Variants in ATR observed in about 807,000 individuals in gnomAD.
ATR encodes the protein ATR checkpoint kinase.
A neutral mutation model predicts 305.3 loss-of-function variants in ATR; 142 were observed. That is an observed-to-expected ratio of 0.47 (90% CI 0.41 to 0.53). The LOEUF is 0.53. ATR is among the 20% of genes least tolerant of loss of function. The pLI, the probability that ATR is intolerant of heterozygous loss-of-function variation, is 0.00. For missense variants in ATR, 2,135 were observed against 3,133.1 expected (o/e 0.68, Z 7.60); for synonymous variants, 1,050 against 1,068.1 (o/e 0.98, Z 0.33).
At chr3:142,484,414 G>C (rs932997522) in intron 36 of ATR, among the ~76,000 whole-genome samples, 1 of 152,188 alleles carries the variant, frequency 6.6e-6, no homozygotes, top group African/African-American at 2.4e-5. Context: ...GAGGCTGACA[G>C]GAGGGTGAAG....
intron 44 of ATR, among the ~76,000 whole-genome samples, chr3:142,458,367 G>T (rs1167330059): frequency 2.0e-5 from 3 of 152,186 alleles, no homozygotes; most frequent in African/African-American, 7.2e-5. Flanking sequence ...TTGGATCTAT[G>T]ATCTTTCTTG....
At position 142,515,488 on chromosome 3, in the gene ATR, A is replaced by G; in HGVS notation, c.4410T>C (p.Asp1470=). 6.2e-7 allele frequency: 1 copy of G among 1,611,652 alleles called. No homozygotes were observed. The highest frequency in any genetic ancestry group is 8.5e-7 in the Non-Finnish European group (1 of 1,177,876). Residue 1470 remains aspartate (D), a synonymous_variant, in exon 25 of 47, where the codon GAT becomes GAC. Coordinates refer to ENST00000350721, the MANE Select transcript of ATR (RefSeq NM_001184.4). ...TRYKSSQKST[D]WSGVKKPIYL... is the part of the protein sequence containing the mutation. ...AAATTGGCTTCTTTACTCCAGACCA[A>G]TCGGTTGACTTCTGAGAACTCTTGT...
chr3:142,457,627 A>G lies in ATR; in HGVS notation c.7632T>C (p.Arg2544=). 5 of 1,614,078 alleles carry G rather than the reference A, an allele frequency of 3.1e-6. No individual in the cohort carries two copies. The highest frequency in any genetic ancestry group is 4.2e-6 in the Non-Finnish European group (5 of 1,179,970). ...ACCTCATTAAAGGCTCTCGCTGATC[A>G]CGCATCAGCCTCATTGTAACTTCAC... ...RACEVTMRLM[R]DQREPLMSVL... The change falls in exon 45 of 47, where the codon CGT becomes CGC. Residue 2544 remains arginine (R), a synonymous_variant. Transcript: ENST00000350721.
intron 36 of ATR, among the ~76,000 whole-genome samples, chr3:142,480,697 G>GAGGC (rs2030373709): frequency 6.6e-6 from 1 of 152,228 alleles, no homozygotes; most frequent in South Asian, 2.1e-4. Context: ...GGAGTCTACA[G>GAGGC]AGGCAGGCAG....
chr3:142,451,411 G>C, intron 46 of ATR: 2 of 1,478,270 alleles, frequency 1.4e-6, no homozygotes, highest in South Asian at 2.3e-5. Context: ...CTGAAGCCTA[G>C]AAATATTTTT....
In ATR at chr3:142,547,787, A is replaced by C; in HGVS notation, c.3295T>G (p.Ser1099Ala). ...TATGGATCATCACTGGATGCAAATG[A>C]GGCAAGTATTGACAAACCATTAAAA... Reference protein sequence around the residue: ...QVFNGLSILASFASSDDPYQG... With the variant: ...QVFNGLSILAAFASSDDPYQG... The change falls in exon 16 of 47, where the codon TCA (serine) becomes GCA (alanine). Residue 1099 changes from serine to alanine, a missense_variant. Coordinates refer to ENST00000350721, the MANE Select transcript of ATR (RefSeq NM_001184.4). The C allele has an allele frequency of 6.2e-7, 1 of 1,614,046 alleles. No individual in the cohort carries two copies.
intron 36 of ATR, among the ~76,000 whole-genome samples, chr3:142,479,860 T>C (rs1331936926): frequency 6.6e-6 from 1 of 152,230 alleles, no homozygotes. Context: ...CTGATACCCT[T>C]TCTTCCAGTT....
chr3:142,554,974 G>A lies in ATR; in HGVS notation c.2341+903C>T, dbSNP rs2034610831. 2.0e-5 allele frequency among the ~76,000 whole-genome samples: 3 copies of A among 151,470 alleles called. No individual in the cohort carries two copies. In the South Asian group the frequency reaches 6.2e-4, roughly 32 times the overall value. ...AGAAAGGCCGGGCATGGTGGCTCAT[G>A]CCTGTAACCCCAGCACTTTGGGGGG... is the stretch of plus-strand genomic sequence containing the variant. On this transcript the variant is annotated intron_variant, in intron 10 of 46. Coordinates refer to ENST00000350721, the MANE Select transcript of ATR (RefSeq NM_001184.4).
At chr3:142,507,810 C>A (rs1378866041) in intron 28 of ATR, 121 bp downstream of exon 28, 3 of 931,004 alleles carry the variant, frequency 3.2e-6, no homozygotes, top group African/African-American at 1.7e-5. Flanking sequence ...GTTTATCTCT[C>A]CCCACTAATC....
intron 36 of ATR, among the ~76,000 whole-genome samples, chr3:142,482,980 C>T (rs2030627249): frequency 6.7e-6 from 1 of 150,070 alleles, no homozygotes; most frequent in Non-Finnish European, 1.5e-5. Flanking sequence ...ACATATGCCC[C>T]CTTTCTTTCT....
At chr3:142,534,974 T>TTTC in intron 21 of ATR, 106 bp downstream of exon 21, 1 of 1,277,168 alleles carries the variant, frequency 7.8e-7, no homozygotes, top group Non-Finnish European at 1.1e-6. Context: ...AAAATAAAAA[T>TTTC]TTCTTCTTTC....
intron 34 of ATR, 48 bp downstream of exon 34, chr3:142,496,313 T>TACACATATATATATAC: frequency 5.0e-6 from 1 of 198,746 alleles, no homozygotes; most frequent in South Asian, 9.0e-5. Flanking sequence ...TATATATATA[T>TACACATATATATATAC]ATATATATAT....
At chr3:142,471,784 AT>A (rs769607561) in intron 36 of ATR, among the ~76,000 whole-genome samples, 5 of 152,190 alleles carry the variant, frequency 3.3e-5, no homozygotes, top group Admixed American at 2.0e-4. Context: ...AATACAAAAC[AT>A]TTGTTAACTA....
At chr3:142,499,949 A>G (rs1277084755) in intron 30 of ATR, 1 of 427,504 alleles carries the variant, frequency 2.3e-6, no homozygotes, top group Non-Finnish European at 4.2e-6. Flanking sequence ...ACCATTTAAA[A>G]TGACATTCTT....
intron 27 of ATR, 113 bp from the exon 28 acceptor site, chr3:142,508,222 T>C (rs1181431105): frequency 2.4e-6 from 2 of 847,840 alleles, no homozygotes; most frequent in African/African-American, 3.4e-5. Context: ...CTGAATATAT[T>C]AGGATATCAT....
intron 36 of ATR, among the ~76,000 whole-genome samples, chr3:142,484,066 T>G (rs1249348887): frequency 2.0e-5 from 3 of 152,166 alleles, no homozygotes; most frequent in Non-Finnish European, 4.4e-5. Flanking sequence ...TCCTAACTCC[T>G]CGTTTTAATG....
rs2108462728 is a variant in ATR, at chr3:142,553,375, G to C, written c.2657C>G (p.Pro886Arg). 8 of 1,613,588 alleles carry C rather than the reference G, an allele frequency of 5.0e-6. No individual in the cohort carries two copies. The highest frequency in any genetic ancestry group is 6.8e-6 in the Non-Finnish European group (8 of 1,179,926). ...ATGCAATAAGTGTAAGAGTGCAAAT[G>C]GTACCAAATCTCCTTTTGCGGCCCT... Reference protein sequence around the residue: ...IGRAAKGDLVPFALLHLLHCL... With the variant: ...IGRAAKGDLVRFALLHLLHCL... The change falls in exon 13 of 47, where the codon CCA becomes CGA. Residue 886 changes from proline (P) to arginine (R), a missense_variant. Pro to Arg is a moderately radical substitution (Grantham distance 103). Around this residue, in one of 9 missense-constraint regions of ATR, gnomAD observed 530 missense variants for 766.8 expected, o/e 0.69. Coordinates refer to ENST00000350721, the MANE Select transcript of ATR (RefSeq NM_001184.4).
chr3:142,567,934 G>T, intron 2 of ATR, 129 bp downstream of exon 2: 1 of 737,942 alleles, frequency 1.4e-6, no homozygotes, highest in Non-Finnish European at 2.2e-6. Context: ...CAAATAACTT[G>T]CTTGAAAATA....
chr3:142,559,256 A>G lies in ATR; in HGVS notation c.1727T>C (p.Met576Thr). 1 of 1,613,074 alleles carries G rather than the reference A, an allele frequency of 6.2e-7. No homozygotes were observed. Among genetic ancestry groups the G allele is most frequent in the Non-Finnish European group, 8.5e-7 (1 of 1,179,238 alleles). ...VVKIYDALIYMQVNSSFEDHI... is the reference protein window; with the variant it reads ...VVKIYDALIYTQVNSSFEDHI... The stretch of plus-strand genomic sequence containing the variant: ...TGTTGCTAATTTGTACTCACCTTGC[A>G]TATAAATCAAAGCATCATAAATTTT... The change falls in exon 7 of 47, where the codon ATG becomes ACG. Residue 576 changes from methionine (M) to threonine (T), a missense_variant. Met to Thr is a moderately conservative substitution (Grantham distance 81, BLOSUM62 -1). Transcript: ENST00000350721.
Sources: gnomAD v4.1 joint callset for allele counts (sites outside exome capture counted in the v4.1 genomes callset) on GRCh38, gnomAD v4.1.1 for gene constraint, gnomAD v4.1.1 regional missense constraint, MANE v1.5 for transcripts, NCBI Gene and HGNC (gene_info 2026-07-23, HGNC 2026-07-21) for gene names.